CDH1: variants seen among roughly 807,000 people sequenced by gnomAD.
CDH1 encodes the protein cadherin 1.
In CDH1, 35 loss-of-function variants were observed where a neutral mutation model predicts 84.5. The observed-to-expected ratio is 0.41, with a 90% CI of 0.32 to 0.55. The LOEUF (loss-of-function observed/expected upper bound fraction) is 0.55. Among genes scored for constraint, CDH1 ranks in the 20% least tolerant of loss-of-function variants. CDH1 has a pLI of 0.19. For missense variants in CDH1, 994 were observed against 1,126.6 expected (o/e 0.88, Z 1.68); for synonymous variants, 417 against 439.0 (o/e 0.95, Z 0.63).
intron 13 of CDH1, among the ~76,000 whole-genome samples, chr16:68,825,056 G>A (rs570894778): frequency 1.3e-5 from 2 of 151,856 alleles, no homozygotes; most frequent in South Asian, 2.1e-4. Context: ...CACCAGCCTG[G>A]GCAACAAAGC....
At chr16:68,805,298 G>A (rs1960627594) in intron 3 of CDH1, among the ~76,000 whole-genome samples, 1 of 151,896 alleles carries the variant, frequency 6.6e-6, no homozygotes, top group South Asian at 2.1e-4. Context: ...GGGATTATAG[G>A]CGTGAGCCAC....
chr16:68,818,354 C>T (rs957082758), intron 10 of CDH1, among the ~76,000 whole-genome samples: 2 of 151,658 alleles, frequency 1.3e-5, no homozygotes, highest in Non-Finnish European at 2.9e-5. Context: ...AGGAACATGA[C>T]TTCTGCAATT....
At chr16:68,818,558 C>G in intron 10 of CDH1, among the ~76,000 whole-genome samples, 1 of 136,846 alleles carries the variant, frequency 7.3e-6, no homozygotes, top group African/African-American at 2.8e-5. Context: ...TTTTTAAAGA[C>G]GGAGTTTCGG....
chr16:68,774,283 G>C (rs867831051), intron 2 of CDH1, among the ~76,000 whole-genome samples: 8 of 152,212 alleles, frequency 5.3e-5, no homozygotes, highest in Non-Finnish European at 8.8e-5. Flanking sequence ...CTAGCACTTT[G>C]GGAGGCCGAG....
chr16:68,772,605 C>A (rs4783681), intron 2 of CDH1, among the ~76,000 whole-genome samples: 44,685 of 151,930 alleles, frequency 0.29, 6,661 homozygotes, highest in Middle Eastern at 0.34. Flanking sequence ...AGGTCTTCCT[C>A]AAAATCACCA....
At chr16:68,789,360 A>AACCTAATTTTGGAGAACAGG (rs2152123445) in intron 2 of CDH1, among the ~76,000 whole-genome samples, 1 of 152,042 alleles carries the variant, frequency 6.6e-6, no homozygotes, top group Admixed American at 6.6e-5. Context: ...TAATGTCCAG[A>AACCTAATTTTGGAGAACAGG]ACCTAATTTT....
chr16:68,813,680 G>A lies in CDH1; in HGVS notation c.1320+185G>A, dbSNP rs2152133888. The A allele has an allele frequency of 5.4e-6, 4 of 744,372 alleles. No individual in the cohort carries two copies. The East Asian group carries it at 7.6e-5, about 14-fold the overall frequency. 46.1% of individuals were successfully genotyped at this position (744,372 alleles called of 1,614,324 possible). A position where few individuals can be genotyped will look rare whatever the true frequency, so the allele number is the denominator to read the frequency against. On this transcript the variant is annotated intron_variant, in intron 9 of 15. Coordinates refer to ENST00000261769, the MANE Select transcript of CDH1 (RefSeq NM_004360.5). ...TGCTCATGTAAGAAATCAAGAAACT[G>A]TGCTGTGTGTGGTGGCTCACGCCTG...
At chr16:68,740,410 C>T (rs1962532101) in intron 2 of CDH1, among the ~76,000 whole-genome samples, 1 of 152,028 alleles carries the variant, frequency 6.6e-6, no homozygotes, top group Admixed American at 6.6e-5. Context: ...AACTCCTGGG[C>T]TCAAGTGATT....
chr16:68,830,179 C>T (rs1040154405), intron 15 of CDH1, among the ~76,000 whole-genome samples: 1 of 151,870 alleles, frequency 6.6e-6, no homozygotes, highest in African/African-American at 2.4e-5. Context: ...GTCTCTAACT[C>T]CTGACTCAGG....
chr16:68,760,187 C>T (rs1269576385), intron 2 of CDH1, among the ~76,000 whole-genome samples: 2 of 149,338 alleles, frequency 1.3e-5, no homozygotes, highest in Non-Finnish European at 3.0e-5. Flanking sequence ...GCAAGCTCTG[C>T]CTCCCGGGTT....
intron 8 of CDH1, among the ~76,000 whole-genome samples, chr16:68,812,997 A>G (rs537429691): frequency 1.3e-5 from 2 of 152,004 alleles, no homozygotes; most frequent in Non-Finnish European, 2.9e-5. Flanking sequence ...CCGAGATTGT[A>G]CCATTGCACC....
chr16:68,822,770 G>A (rs962257942), intron 12 of CDH1: 36 of 253,108 alleles, frequency 1.4e-4, no homozygotes, highest in African/African-American at 7.5e-4. Context: ...GCACAAGGGC[G>A]CTGAGTGTCC....
intron 2 of CDH1, among the ~76,000 whole-genome samples, chr16:68,758,674 CG>C (rs368653644): frequency 1.8e-5 from 2 of 110,156 alleles, no homozygotes; most frequent in South Asian, 2.8e-4. Flanking sequence ...AAGCATGGGG[CG>C]GGGGGCGGGT....
intron 9 of CDH1, chr16:68,814,379 C>T (rs1960928222): frequency 6.6e-6 from 1 of 152,578 alleles, no homozygotes; most frequent in South Asian, 2.1e-4. Context: ...GAAAACCTGT[C>T]TCTACCAAAA....
At chr16:68,818,056 T>C (rs1961026286) in intron 10 of CDH1, among the ~76,000 whole-genome samples, 1 of 151,678 alleles carries the variant, frequency 6.6e-6, no homozygotes, top group African/African-American at 2.4e-5. Flanking sequence ...CTGGCTAACA[T>C]GGTGAAACCT....
intron 2 of CDH1, among the ~76,000 whole-genome samples, chr16:68,762,926 A>G (rs894503718): frequency 4.3e-4 from 65 of 149,776 alleles, no homozygotes; most frequent in Non-Finnish European, 5.6e-4. Context: ...AAAAAAAAAA[A>G]AAAAAAAAAA....
chr16:68,767,542 G>C (rs1334271386), intron 2 of CDH1, among the ~76,000 whole-genome samples: 1 of 152,196 alleles, frequency 6.6e-6, no homozygotes, highest in Admixed American at 6.5e-5. Context: ...ATTCCCCAGA[G>C]ATGGGGATTC....
chr16:68,820,373 CAG>C (rs1199762366), intron 11 of CDH1, among the ~76,000 whole-genome samples: 3 of 141,790 alleles, frequency 2.1e-5, no homozygotes, highest in Non-Finnish European at 3.0e-5. Context: ...TTTTTTGAGA[CAG>C]AGTCTTGCTC....
intron 2 of CDH1, among the ~76,000 whole-genome samples, chr16:68,752,022 G>C (rs1417946167): frequency 2.0e-5 from 3 of 150,856 alleles, no homozygotes; most frequent in Non-Finnish European, 4.4e-5. Flanking sequence ...CTTGATCTCG[G>C]CTCACTGCAA....
Sources: allele counts gnomAD v4.1 joint callset (sites outside exome capture counted in the v4.1 genomes callset), GRCh38; gene constraint gnomAD v4.1.1; transcripts MANE v1.5; gene names NCBI Gene and HGNC (gene_info 2026-07-23, HGNC 2026-07-21).